ARHGAP15: variants seen among roughly 807,000 people sequenced by gnomAD.
ARHGAP15 encodes Rho GTPase activating protein 15.
A neutral mutation model predicts 63.7 loss-of-function variants in ARHGAP15; 51 were observed. The ratio of observed to expected loss-of-function variants is 0.80; its 90% CI spans 0.64 to 1.01. The LOEUF is 1.01. ARHGAP15 is among the 50% of genes least tolerant of loss of function. ARHGAP15 has a pLI of 0.00. For missense variants in ARHGAP15, 560 were observed against 564.6 expected (o/e 0.99, Z 0.08); for synonymous variants, 191 against 193.8 (o/e 0.99, Z 0.12).
intron 8 of ARHGAP15, among the ~76,000 whole-genome samples, chr2:143,442,239 G>C (rs1689917032): frequency 6.6e-6 from 1 of 152,044 alleles, no homozygotes; most frequent in South Asian, 2.1e-4. Flanking sequence ...ATTGTAAATT[G>C]GTTGCTTAGA....
At chr2:143,718,248 A>G (rs1440998258) in intron 13 of ARHGAP15, among the ~76,000 whole-genome samples, 2 of 152,236 alleles carry the variant, frequency 1.3e-5, no homozygotes, top group Non-Finnish European at 2.9e-5. Flanking sequence ...AGCTAGTAGC[A>G]GACTCAACCC....
intron 2 of ARHGAP15, among the ~76,000 whole-genome samples, chr2:143,169,541 T>G (rs1690685815): frequency 6.6e-6 from 1 of 152,090 alleles, no homozygotes. Flanking sequence ...AAAATAGTTA[T>G]TTCATGTATT....
chr2:143,232,388 G>A (rs1461758295), intron 5 of ARHGAP15, among the ~76,000 whole-genome samples: 1 of 152,118 alleles, frequency 6.6e-6, no homozygotes, highest in Non-Finnish European at 1.5e-5. Context: ...GATCGGGACT[G>A]GCTGGTCCTC....
intron 6 of ARHGAP15, among the ~76,000 whole-genome samples, chr2:143,273,758 G>A (rs961723621): frequency 2.0e-5 from 3 of 151,956 alleles, no homozygotes; most frequent in Non-Finnish European, 4.4e-5. Context: ...TATTTTAAAT[G>A]CTAGTCATTT....
At chr2:143,436,160 A>G (rs928884640) in intron 7 of ARHGAP15, among the ~76,000 whole-genome samples, 5 of 152,176 alleles carry the variant, frequency 3.3e-5, no homozygotes, top group Admixed American at 1.3e-4. Flanking sequence ...TGAAAATTAC[A>G]TATCTAGAAC....
chr2:143,454,634 T>A (rs569102001), intron 8 of ARHGAP15, among the ~76,000 whole-genome samples: 1 of 152,218 alleles, frequency 6.6e-6, no homozygotes, highest in South Asian at 2.1e-4. Context: ...AAGATGCAAG[T>A]TGCACAGAGC....
At chr2:143,609,677 C>T (rs897205251) in intron 11 of ARHGAP15, among the ~76,000 whole-genome samples, 1 of 152,108 alleles carries the variant, frequency 6.6e-6, no homozygotes, top group South Asian at 2.1e-4. Flanking sequence ...TTGTAATCTT[C>T]TCTTTGCCCC....
At chr2:143,503,686 G>A (rs1467986785) in intron 9 of ARHGAP15, among the ~76,000 whole-genome samples, 1 of 152,172 alleles carries the variant, frequency 6.6e-6, no homozygotes, top group Non-Finnish European at 1.5e-5. Context: ...TTGTGACATT[G>A]CATTAAAATA....
intron 13 of ARHGAP15, among the ~76,000 whole-genome samples, chr2:143,714,807 C>T (rs1300210016): frequency 6.6e-6 from 1 of 152,230 alleles, no homozygotes; most frequent in Non-Finnish European, 1.5e-5. Flanking sequence ...TCCTCATCTC[C>T]ATCTGAGACC....
intron 6 of ARHGAP15, among the ~76,000 whole-genome samples, chr2:143,267,203 C>T (rs1022098947): frequency 4.6e-5 from 7 of 152,152 alleles, no homozygotes; most frequent in African/African-American, 1.7e-4. Context: ...ATTCAGATCA[C>T]CTGCTCAATC....
At chr2:143,763,659 TAAATTGCATATATATGC>T (rs1367114290) in intron 13 of ARHGAP15, among the ~76,000 whole-genome samples, 1 of 148,684 alleles carries the variant, frequency 6.7e-6, no homozygotes, top group African/African-American at 2.5e-5. Context: ...TGCATATATA[TAAATTGCATATATATGC>T]AAATTGCATA....
Position 143,523,403 on chromosome 2 carries a change from C to T in ARHGAP15, c.925+4039C>T, listed in dbSNP as rs373296105. ...TAAACACATATTTATCTGGTTTTATCTTCATTATAAGACCAGGAGACATTT... is the reference window on the plus strand; with the variant it reads ...TAAACACATATTTATCTGGTTTTATTTTCATTATAAGACCAGGAGACATTT... On this transcript the variant is annotated intron_variant, in intron 10 of 13. Coordinates refer to ENST00000295095, the MANE Select transcript of ARHGAP15 (RefSeq NM_018460.4). Among the ~76,000 whole-genome samples, 10 of 152,154 alleles carry T rather than the reference C, an allele frequency of 6.6e-5. No individual in the cohort carries two copies. The South Asian group carries it at 1.2e-3, about 19-fold the overall frequency.
At chr2:143,515,181 A>G (rs943095165) in intron 9 of ARHGAP15, among the ~76,000 whole-genome samples, 3 of 138,440 alleles carry the variant, frequency 2.2e-5, no homozygotes, top group African/African-American at 8.0e-5. Flanking sequence ...CTTCCCCACT[A>G]TATTAACCCC....
intron 6 of ARHGAP15, among the ~76,000 whole-genome samples, chr2:143,433,564 A>G (rs1443969272): frequency 2.0e-5 from 3 of 152,102 alleles, no homozygotes; most frequent in Non-Finnish European, 2.9e-5. Flanking sequence ...TGTGTTAGCA[A>G]TATAAGATCC....
At chr2:143,679,698 C>A (rs1683011120) in intron 12 of ARHGAP15, among the ~76,000 whole-genome samples, 1 of 150,928 alleles carries the variant, frequency 6.6e-6, no homozygotes, top group Non-Finnish European at 1.5e-5. Context: ...TGTGTGTGTG[C>A]AAGCTTAGGT....
At chr2:143,481,295 G>A (rs530829427) in intron 8 of ARHGAP15, among the ~76,000 whole-genome samples, 1 of 152,148 alleles carries the variant, frequency 6.6e-6, no homozygotes, top group African/African-American at 2.4e-5. Context: ...CCGATAAAGT[G>A]AGAACAAGTA....
At chr2:143,416,343 A>G (rs916036597) in intron 6 of ARHGAP15, among the ~76,000 whole-genome samples, 2 of 152,202 alleles carry the variant, frequency 1.3e-5, no homozygotes, top group African/African-American at 4.8e-5. Context: ...TTATTCTTTC[A>G]ATAAATAGCA....
chr2:143,723,121 C>A (rs915695099), intron 13 of ARHGAP15, among the ~76,000 whole-genome samples: 1 of 152,198 alleles, frequency 6.6e-6, no homozygotes, highest in African/African-American at 2.4e-5. Context: ...AGTACAGTAA[C>A]ATGCTGTGCA....
rs146422205 is a variant in ARHGAP15, at chr2:143,455,302, A to C, written c.703+18260A>C. Among the ~76,000 whole-genome samples the C allele has an allele frequency of 4.2e-4, 64 of 152,190 alleles. No individual in the cohort carries two copies. The East Asian group carries it at 0.011, about 26-fold the overall frequency. On this transcript the variant is annotated intron_variant, in intron 8 of 13. Coordinates refer to ENST00000295095, the MANE Select transcript of ARHGAP15 (RefSeq NM_018460.4). ...GACATTTAGCATGCTGATGCATTAT[A>C]GTTAGTGTATAAGGAGCAGTAAGGA...
Sources: gnomAD v4.1 joint callset for allele counts (sites outside exome capture counted in the v4.1 genomes callset) on GRCh38, gnomAD v4.1.1 for gene constraint, MANE v1.5 for transcripts, NCBI Gene and HGNC (gene_info 2026-07-23, HGNC 2026-07-21) for gene names.